Variants in YTHDC2 observed in about 807,000 individuals in gnomAD.
YTHDC2 encodes 3'-5' RNA helicase YTHDC2.
In YTHDC2, 45 loss-of-function variants were observed where a neutral mutation model predicts 174.9. The ratio of observed to expected loss-of-function variants is 0.26; its 90% confidence interval spans 0.20 to 0.33. The LOEUF (loss-of-function observed/expected upper bound fraction) is 0.33, where lower values mean the gene tolerates loss of function less well. Ranked by LOEUF, YTHDC2 falls within the 10% of genes least tolerant of loss-of-function variation. The pLI is 1.00. For missense variants in YTHDC2, 1,650 were observed against 1,723.7 expected (o/e 0.96, Z 0.76); for synonymous variants, 657 against 574.5 (o/e 1.14, Z -2.05).
At position 113,553,174 on chromosome 5, in the gene YTHDC2, T is replaced by TAA; in HGVS notation, c.1689-7_1689-6insAA. The TAA allele has an allele frequency of 7.1e-7, 1 of 1,403,346 alleles. No homozygotes were observed. Among genetic ancestry groups the TAA allele is most frequent in the Middle Eastern group, 1.9e-4 (1 of 5,368 alleles). 86.9% of individuals were successfully genotyped at this position (1,403,346 alleles called of 1,614,324 possible). ...GACTTTGTCTTTTTTTTTTTTTTTTTTTTCAGTGCTACACTGGAATTTGGA... is the reference window on the plus strand; with the variant it reads ...GACTTTGTCTTTTTTTTTTTTTTTTTAATTTCAGTGCTACACTGGAATTTGGA... On this transcript the variant is annotated splice_polypyrimidine_tract_variant and splice_region_variant and intron_variant, in intron 12 of 29. Coordinates refer to ENST00000161863, the MANE Select transcript of YTHDC2 (RefSeq NM_022828.5).
chr5:113,528,384 TATAAA>T (rs1460411437), intron 4 of YTHDC2, among the ~76,000 whole-genome samples: 3 of 152,216 alleles, frequency 2.0e-5, no homozygotes, highest in Non-Finnish European at 2.9e-5. Flanking sequence ...TTCTTTGAAA[TATAAA>T]ACAGAATGTA....
intron 12 of YTHDC2, among the ~76,000 whole-genome samples, chr5:113,552,139 A>G (rs1776289272): frequency 6.6e-6 from 1 of 152,148 alleles, no homozygotes; most frequent in Non-Finnish European, 1.5e-5. Flanking sequence ...GAAAATATAA[A>G]TGATAGCTGA....
At chr5:113,524,874 T>G (rs943567734) in intron 2 of YTHDC2, 107 bp from the exon 3 acceptor site, 1 of 846,026 alleles carries the variant, frequency 1.2e-6, no homozygotes, top group Non-Finnish European at 1.7e-6. Flanking sequence ...CAAAGCATTT[T>G]GATTTTTTTC....
intron 2 of YTHDC2, among the ~76,000 whole-genome samples, chr5:113,515,928 G>C (rs1304009838): frequency 6.6e-6 from 1 of 152,166 alleles, no homozygotes; most frequent in African/African-American, 2.4e-5. Flanking sequence ...TAAGAGTCTA[G>C]AGTGGTTTCT....
At chr5:113,545,573 G>T (rs138981731) in intron 10 of YTHDC2, among the ~76,000 whole-genome samples, 1 of 151,892 alleles carries the variant, frequency 6.6e-6, no homozygotes, top group Non-Finnish European at 1.5e-5. Context: ...TGCAAAACCT[G>T]TTTCTCTTCT....
intron 4 of YTHDC2, among the ~76,000 whole-genome samples, chr5:113,531,552 A>G (rs1381396784): frequency 1.3e-5 from 2 of 152,112 alleles, no homozygotes; most frequent in South Asian, 4.1e-4. Flanking sequence ...CTACGAGCTC[A>G]GCTTTTAAGA....
intron 23 of YTHDC2, 85 bp from the exon 24 acceptor site, chr5:113,579,501 A>G: frequency 1.1e-6 from 1 of 922,972 alleles, no homozygotes. Context: ...GGGTTTGTGT[A>G]TATGAAGCGT....
rs115050091 is a variant in YTHDC2 at position 113,546,425 on chromosome 5, A to G, written c.1496-2116A>G. On this transcript the variant is annotated intron_variant, in intron 10 of 29. Coordinates refer to ENST00000161863, the MANE Select transcript of YTHDC2 (RefSeq NM_022828.5). ...AAAACTAAAATGTTACAGTAGCTCA[A>G]TCATTCACTTCTCATCTTTTTGTTT... 6.6e-3 allele frequency among the ~76,000 whole-genome samples: 1,005 copies of G among 152,320 alleles called. 6 individuals carry two copies. The highest frequency in any genetic ancestry group is 0.022 in the African/African-American group (911 of 41,568).
rs764345952 is a variant in YTHDC2 at position 113,553,928 on chromosome 5, A to G, written c.2053-14A>G. ...CTGTTTTTTTATTAACTTTAAAGTA[A>G]TATCTTGTTGCAGATTCTTTCCACC... On this transcript the variant is annotated splice_polypyrimidine_tract_variant and intron_variant, in intron 15 of 29. Transcript: ENST00000161863. 1.3e-5 allele frequency: 21 copies of G among 1,582,294 alleles called. No individual in the cohort carries two copies. The South Asian group carries it at 2.0e-4, about 15-fold the overall frequency.
chr5:113,553,485 A>G (rs1776401052), intron 13 of YTHDC2, 105 bp from the exon 14 acceptor site: 2 of 1,435,406 alleles, frequency 1.4e-6, no homozygotes, highest in Non-Finnish European at 1.9e-6. Flanking sequence ...TCATCTTATG[A>G]TAGTTTACCA....
At chr5:113,528,126 GT>G (rs1774403996) in intron 4 of YTHDC2, among the ~76,000 whole-genome samples, 1 of 152,160 alleles carries the variant, frequency 6.6e-6, no homozygotes, top group African/African-American at 2.4e-5. Flanking sequence ...TCGATAAAAT[GT>G]AATAAATAGG....
chr5:113,539,912 T>C (rs925007394), intron 8 of YTHDC2, among the ~76,000 whole-genome samples: 5 of 151,936 alleles, frequency 3.3e-5, no homozygotes, highest in African/African-American at 1.2e-4. Flanking sequence ...TAAAAAAAAA[T>C]TTTTTTAGAG....
intron 23 of YTHDC2, among the ~76,000 whole-genome samples, chr5:113,572,609 T>C (rs1777801500): frequency 6.6e-6 from 1 of 152,240 alleles, no homozygotes; most frequent in Admixed American, 6.5e-5. Context: ...TAAATCTCTT[T>C]GTAGGTCTCT....
intron 2 of YTHDC2, among the ~76,000 whole-genome samples, chr5:113,518,957 G>A (rs1294358150): frequency 1.3e-5 from 2 of 152,018 alleles, no homozygotes; most frequent in Admixed American, 6.5e-5. Flanking sequence ...TCATAGCTCA[G>A]TATGGCCTCA....
rs866531645 is a variant in YTHDC2 at position 113,561,130 on chromosome 5, G to A, written c.2267G>A (p.Arg756Gln). ...TGTTTTCGTCTGTTCAGTAGACTCC[G>A]ATTCCAGAATATGTTGGAATTTCAG... is the stretch of plus-strand genomic sequence containing the variant. ...GICFRLFSRL[R>Q]FQNMLEFQTP... is the part of the protein sequence containing the mutation. The change falls in exon 18 of 30, where the codon CGA becomes CAA. Residue 756 changes from arginine (R) to glutamine (Q), a missense_variant. Transcript: ENST00000161863. The A allele has an allele frequency of 3.1e-6, 5 of 1,612,936 alleles. No individual in the cohort carries two copies. The highest frequency in any genetic ancestry group is 2.2e-5 in the South Asian group (2 of 90,890).
chr5:113,551,852 G>C (rs1377356474), intron 12 of YTHDC2, among the ~76,000 whole-genome samples: 1 of 152,132 alleles, frequency 6.6e-6, no homozygotes, highest in Non-Finnish European at 1.5e-5. Flanking sequence ...TTCTTTAAGA[G>C]AGATTGGATT....
chr5:113,542,576 T>A, intron 10 of YTHDC2, 73 bp downstream of exon 10: 1 of 1,392,858 alleles, frequency 7.2e-7, no homozygotes, highest in Non-Finnish European at 9.6e-7. Context: ...ATTCAAAACG[T>A]ATGTACTACC....
chr5:113,569,479 T>C (rs546361076), intron 23 of YTHDC2, among the ~76,000 whole-genome samples: 59 of 152,218 alleles, frequency 3.9e-4, no homozygotes, highest in Middle Eastern at 3.4e-3. Context: ...GGTTTAGAGT[T>C]TTACATTTAA....
In YTHDC2 at chr5:113,593,333, C is replaced by G. The variant is rs775277024; in HGVS notation, c.4243C>G (p.Leu1415Val). ...AGAACCTCTGGTTGGTGAACAGTTG[C>G]TCCAGTTATGGGAACGTCTTCCCTT... is the stretch of plus-strand genomic sequence containing the variant. ...ELEPLVGEQLLQLWERLPLGE... is the reference protein window; with the variant it reads ...ELEPLVGEQLVQLWERLPLGE... Residue 1415 changes from leucine (L) to valine (V), a missense_variant, in exon 29 of 30, where the codon CTC becomes GTC. By Grantham distance (32) the Leu-to-Val change is conservative. This residue lies in a region of YTHDC2 where 913 missense variants were observed against 940.4 expected (regional missense o/e 0.97). Coordinates refer to ENST00000161863, the MANE Select transcript of YTHDC2 (RefSeq NM_022828.5). 1.5e-5 allele frequency: 24 copies of G among 1,612,586 alleles called. No homozygotes were observed. Among genetic ancestry groups the G allele is most frequent in the Non-Finnish European group, 1.7e-6 (2 of 1,179,106 alleles).
Sources: gnomAD v4.1 joint callset for allele counts (sites outside exome capture counted in the v4.1 genomes callset) on GRCh38, gnomAD v4.1.1 for gene constraint, gnomAD v4.1.1 regional missense constraint, MANE v1.5 for transcripts, NCBI Gene and HGNC (gene_info 2026-07-23, HGNC 2026-07-21) for gene names.